The following SUMF1 variants were observed in gnomAD, a reference collection of about 807,000 sequenced individuals.
The protein encoded by SUMF1 is formylglycine-generating enzyme.
SUMF1 carries 48 observed loss-of-function variants against 47.6 expected under a neutral mutation model. The ratio of observed to expected loss-of-function variants is 1.01; its 90% CI spans 0.80 to 1.28. SUMF1 has a LOEUF of 1.28. Among genes scored for constraint, SUMF1 ranks in the 50% most tolerant of loss-of-function variants. SUMF1 has a pLI of 0.00. For missense variants in SUMF1, 571 were observed against 485.4 expected, an observed-to-expected ratio of 1.18 and a Z score of -1.66; for synonymous variants, 230 against 192.1, an observed-to-expected ratio of 1.20 and a Z score of -1.63.
chr3:4,189,106 T>C (rs1337686984), intron 8 of SUMF1, among the ~76,000 whole-genome samples: 1 of 152,154 alleles, frequency 6.6e-6, no homozygotes, highest in East Asian at 1.9e-4. Context: ...TATAATCTAG[T>C]TGCTTGTACA....
intron 3 of SUMF1, among the ~76,000 whole-genome samples, chr3:4,422,777 T>A (rs186303030): frequency 0.022 from 3,325 of 150,774 alleles, 40 homozygotes; most frequent in Admixed American, 0.029. Flanking sequence ...CTTTTTTTTT[T>A]TAAAAAAAAT....
At chr3:4,224,417 A>G (rs1372132713) in intron 8 of SUMF1, among the ~76,000 whole-genome samples, 1 of 152,010 alleles carries the variant, frequency 6.6e-6, no homozygotes. Context: ...TTGGCTCCCT[A>G]GCATATTTTC....
At chr3:4,230,703 G>C (rs745507771) in intron 8 of SUMF1, among the ~76,000 whole-genome samples, 1 of 152,016 alleles carries the variant, frequency 6.6e-6, no homozygotes, top group Non-Finnish European at 1.5e-5. Context: ...TTCCCCAGTG[G>C]TGGGGCCGAA....
chr3:4,303,511 G>A (rs1359761233), intron 8 of SUMF1: 1 of 1,439,660 alleles, frequency 6.9e-7, no homozygotes, highest in Non-Finnish European at 9.1e-7. Flanking sequence ...CGGGGGCCGC[G>A]CCGGCGCCCT....
chr3:4,286,499 A>G (rs1309098763), intron 8 of SUMF1, among the ~76,000 whole-genome samples: 1 of 152,166 alleles, frequency 6.6e-6, no homozygotes, highest in Admixed American at 6.5e-5. Flanking sequence ...TGAAGAAAGA[A>G]TATGATTGGT....
At chr3:4,271,324 A>G (rs1697297181) in intron 8 of SUMF1, among the ~76,000 whole-genome samples, 1 of 152,144 alleles carries the variant, frequency 6.6e-6, no homozygotes, top group South Asian at 2.1e-4. Context: ...CAACCACTCC[A>G]TGTCTTATGC....
intron 8 of SUMF1, among the ~76,000 whole-genome samples, chr3:4,076,360 C>T (rs949968288): frequency 2.0e-5 from 3 of 152,092 alleles, no homozygotes; most frequent in Non-Finnish European, 4.4e-5. Context: ...GGATTAAAAA[C>T]TTAAATGTAA....
At chr3:4,248,304 C>A (rs189968884) in intron 8 of SUMF1, among the ~76,000 whole-genome samples, 1 of 152,150 alleles carries the variant, frequency 6.6e-6, no homozygotes, top group African/African-American at 2.4e-5. Context: ...CTTGTTTTAA[C>A]TACAAGAACC....
At chr3:4,172,658 C>A (rs1037162612) in intron 8 of SUMF1, among the ~76,000 whole-genome samples, 1 of 151,672 alleles carries the variant, frequency 6.6e-6, no homozygotes, top group Admixed American at 6.6e-5. Context: ...TGAGAAGGGT[C>A]TGCTTATATC....
At chr3:4,379,737 G>A (rs989353476) in intron 7 of SUMF1, among the ~76,000 whole-genome samples, 18 of 151,972 alleles carry the variant, frequency 1.2e-4, no homozygotes, top group Non-Finnish European at 2.9e-5. Flanking sequence ...AGCTACTTGG[G>A]AGGCTGAGGC....
intron 8 of SUMF1, among the ~76,000 whole-genome samples, chr3:4,134,530 T>G (rs943757904): frequency 1.3e-5 from 2 of 152,002 alleles, no homozygotes; most frequent in Non-Finnish European, 2.9e-5. Context: ...AGATCTAAAA[T>G]TGACACCCTA....
chr3:4,175,976 C>T (rs1020765461), intron 8 of SUMF1, among the ~76,000 whole-genome samples: 2 of 151,964 alleles, frequency 1.3e-5, no homozygotes, highest in Non-Finnish European at 2.9e-5. Context: ...AGCAAGAAAA[C>T]AAGGTTAGAG....
At chr3:4,346,333 A>C (rs147836538) in intron 8 of SUMF1, among the ~76,000 whole-genome samples, 1,842 of 152,342 alleles carry the variant, frequency 0.012, 19 homozygotes, top group Middle Eastern at 0.048. Context: ...ACAGTCTCTC[A>C]GACCACAGTG....
chr3:4,362,044 G>T lies in SUMF1; in HGVS notation c.*100C>A. ...TGGGCAGGTATGTAACCCACCTCAG[G>T]GTGGGAATTCTTTGCATGGGATCGT... is the stretch of plus-strand genomic sequence containing the variant. On this transcript the variant is annotated 3_prime_UTR_variant, in exon 9 of 9. Coordinates refer to ENST00000272902, the MANE Select transcript of SUMF1 (RefSeq NM_182760.4). 1.7e-6 allele frequency: 2 copies of T among 1,200,202 alleles called. No individual in the cohort carries two copies. The highest frequency in any genetic ancestry group is 2.4e-6 in the Non-Finnish European group (2 of 820,980). 74.3% of individuals were successfully genotyped at this position (1,200,202 alleles called of 1,614,324 possible). A position where few individuals can be genotyped will look rare whatever the true frequency, so the allele number is the denominator to read the frequency against.
intron 8 of SUMF1, chr3:4,303,979 G>A (rs1698069821): frequency 1.5e-6 from 1 of 661,188 alleles, no homozygotes; most frequent in Non-Finnish European, 2.1e-6. Flanking sequence ...GCTCTTGGGC[G>A]AGTGTAAATT....
intron 8 of SUMF1, among the ~76,000 whole-genome samples, chr3:4,256,758 G>A (rs373429444): frequency 2.0e-5 from 3 of 152,024 alleles, no homozygotes; most frequent in Non-Finnish European, 4.4e-5. Context: ...TAACTCATTT[G>A]ATGAGGCCAG....
At chr3:4,095,823 C>T (rs1419391843) in intron 8 of SUMF1, among the ~76,000 whole-genome samples, 2 of 152,098 alleles carry the variant, frequency 1.3e-5, no homozygotes. Context: ...TTTATTATTT[C>T]TTGTTTACAG....
intron 8 of SUMF1, among the ~76,000 whole-genome samples, chr3:4,099,230 A>G (rs1309023076): frequency 6.6e-6 from 1 of 152,066 alleles, no homozygotes; most frequent in East Asian, 1.9e-4. Context: ...CACTCCGTAC[A>G]CCAGCAAGAT....
intron 8 of SUMF1, among the ~76,000 whole-genome samples, chr3:4,253,137 G>A (rs1278526249): frequency 2.0e-5 from 3 of 152,218 alleles, no homozygotes; most frequent in African/African-American, 7.2e-5. Context: ...TTTGGGTTAT[G>A]ACACAAGCTC....
Sources: gnomAD v4.1 joint callset for allele counts (sites outside exome capture counted in the v4.1 genomes callset) on GRCh38, gnomAD v4.1.1 for gene constraint, MANE v1.5 for transcripts, NCBI Gene and HGNC (gene_info 2026-07-23, HGNC 2026-07-21) for gene names.